The following RFTN2 variants were observed in gnomAD, a reference collection of about 807,000 sequenced individuals.
The protein encoded by RFTN2 is raftlin-2.
Under a neutral mutation model 52.7 loss-of-function variants are expected in RFTN2, and 34 were observed. The observed-to-expected ratio is 0.64, with a 90% CI of 0.49 to 0.86. The LOEUF (loss-of-function observed/expected upper bound fraction) is 0.86, where lower values mean the gene tolerates loss of function less well. Among genes scored for constraint, RFTN2 ranks in the 40% least tolerant of loss-of-function variants. The probability of loss-of-function intolerance (pLI) is 0.00; values close to 1 mark genes in which losing one functional copy is unlikely to be tolerated. For missense variants in RFTN2, 536 were observed against 600.1 expected (o/e 0.89, Z 1.12); for synonymous variants, 203 against 217.7 (o/e 0.93, Z 0.59).
At chr2:197,631,258 A>G in intron 4 of RFTN2, 38 bp from the exon 5 acceptor site, 1 of 1,445,978 alleles carries the variant, frequency 6.9e-7, no homozygotes, top group Non-Finnish European at 9.6e-7. Flanking sequence ...GAAAATTATA[A>G]TTTTGTTGAT....
chr2:197,574,125 G>T (rs2087373009), intron 8 of RFTN2, among the ~76,000 whole-genome samples: 1 of 152,206 alleles, frequency 6.6e-6, no homozygotes, highest in Admixed American at 6.5e-5. Context: ...TGAGAAGAGG[G>T]CCACCGTCTT....
At chr2:197,604,978 C>T (rs1040604363) in intron 7 of RFTN2, among the ~76,000 whole-genome samples, 2 of 151,996 alleles carry the variant, frequency 1.3e-5, no homozygotes, top group Non-Finnish European at 2.9e-5. Context: ...CCAGGCTGGT[C>T]TTGAACTCCT....
In RFTN2 at chr2:197,631,148, C is replaced by T. The variant is rs962378133; in HGVS notation, c.791G>A (p.Gly264Asp). Residue 264 changes from glycine to aspartate, a missense_variant, in exon 5 of 9, where the codon GGC becomes GAC. Physicochemically the swap from Gly to Asp is moderately conservative, Grantham distance 94. Transcript: ENST00000295049. ...TCTTGTTACTTTCATTGACAGGATG[C>T]CTTCCTGATAGGCCCAGGAGGTTGA... ...DDSTSWAYQEGILSMKVTRKG... is the reference protein window; with the variant it reads ...DDSTSWAYQEDILSMKVTRKG... The T allele has an allele frequency of 6.2e-7, 1 of 1,613,240 alleles. No homozygotes were observed. The highest frequency in any genetic ancestry group is 1.1e-5 in the South Asian group (1 of 91,048).
intron 8 of RFTN2, among the ~76,000 whole-genome samples, chr2:197,588,405 A>G (rs1192016313): frequency 6.6e-6 from 1 of 152,132 alleles, no homozygotes; most frequent in Non-Finnish European, 1.5e-5. Flanking sequence ...TTTTTATGAG[A>G]TGGGGTCCCA....
At chr2:197,607,339 G>T (rs2087978870) in intron 7 of RFTN2, among the ~76,000 whole-genome samples, 1 of 152,066 alleles carries the variant, frequency 6.6e-6, no homozygotes, top group African/African-American at 2.4e-5. Context: ...GTGGGGTGGA[G>T]GGAGGGGGCA....
At chr2:197,639,819 C>T (rs1260258304) in intron 3 of RFTN2, among the ~76,000 whole-genome samples, 9 of 140,158 alleles carry the variant, frequency 6.4e-5, no homozygotes, top group Admixed American at 1.4e-4. Flanking sequence ...AGGCGCTCTG[C>T]GTTTTAGAGT....
chr2:197,659,759 G>GT (rs1466869304), intron 1 of RFTN2, among the ~76,000 whole-genome samples: 10 of 151,806 alleles, frequency 6.6e-5, no homozygotes, highest in African/African-American at 2.4e-4. Flanking sequence ...AGAGGCTGCA[G>GT]TGAGCTGAGA....
intron 3 of RFTN2, among the ~76,000 whole-genome samples, chr2:197,640,641 C>G (rs1452888690): frequency 1.4e-5 from 2 of 146,724 alleles, no homozygotes; most frequent in Non-Finnish European, 3.0e-5. Flanking sequence ...GTCTGGCACT[C>G]CCTAGTGAGA....
intron 3 of RFTN2, among the ~76,000 whole-genome samples, chr2:197,635,713 T>C (rs1184021398): frequency 6.7e-6 from 1 of 149,978 alleles, no homozygotes; most frequent in Non-Finnish European, 1.5e-5. Context: ...TGGTAGTTTC[T>C]TTTGCTGTGC....
intron 7 of RFTN2, among the ~76,000 whole-genome samples, chr2:197,608,623 CT>C (rs57681105): frequency 0.09 from 8,983 of 99,394 alleles, 901 homozygotes; most frequent in African/African-American, 0.28. Flanking sequence ...TGGGACCAGA[CT>C]TTTTTTTTTT....
intron 5 of RFTN2, among the ~76,000 whole-genome samples, chr2:197,618,206 T>C (rs1285006560): frequency 2.6e-5 from 4 of 151,904 alleles, no homozygotes; most frequent in Non-Finnish European, 4.4e-5. Context: ...CTGCCTCAGC[T>C]TGCCGAGTGC....
chr2:197,675,587 C>CA (rs1559372035), upstream of RFTN2: 3 of 15,804 alleles, frequency 1.9e-4, no homozygotes, highest in Non-Finnish European at 1.4e-4. Flanking sequence ...CTATAGATAA[C>CA]CAAAAAAAAA....
At chr2:197,666,039 G>A (rs1373285101) in intron 1 of RFTN2, among the ~76,000 whole-genome samples, 3 of 151,202 alleles carry the variant, frequency 2.0e-5, no homozygotes, top group African/African-American at 4.9e-5. Context: ...TGGACTAGTG[G>A]TTGTGAATCC....
intron 8 of RFTN2, among the ~76,000 whole-genome samples, chr2:197,572,978 A>G (rs2087343764): frequency 6.6e-6 from 1 of 152,066 alleles, no homozygotes; most frequent in South Asian, 2.1e-4. Flanking sequence ...CATGACTGTG[A>G]GGCCTCCCTA....
chr2:197,632,305 A>G (rs2088480609), intron 4 of RFTN2, among the ~76,000 whole-genome samples: 1 of 152,122 alleles, frequency 6.6e-6, no homozygotes, highest in Non-Finnish European at 1.5e-5. Flanking sequence ...ATGTTGTGGG[A>G]GGGATCAGAT....
At chr2:197,630,970 C>T in intron 5 of RFTN2, 41 bp downstream of exon 5, 1 of 1,349,476 alleles carries the variant, frequency 7.4e-7, no homozygotes, top group Non-Finnish European at 1.1e-6. Flanking sequence ...GATACAAGTT[C>T]AAATTCCTCA....
chr2:197,659,296 C>T (rs993433128), intron 1 of RFTN2, among the ~76,000 whole-genome samples: 6 of 151,562 alleles, frequency 4.0e-5, no homozygotes, highest in Middle Eastern at 3.4e-3. Flanking sequence ...GTCAGGAGAT[C>T]GAGACCATCC....
intron 1 of RFTN2, among the ~76,000 whole-genome samples, chr2:197,665,163 T>C (rs2089033996): frequency 6.6e-6 from 1 of 152,148 alleles, no homozygotes; most frequent in African/African-American, 2.4e-5. Context: ...TTGACATTAT[T>C]TTAAAAAGTT....
chr2:197,630,937 G>T, intron 5 of RFTN2, 74 bp downstream of exon 5: 1 of 999,244 alleles, frequency 1.0e-6, no homozygotes, highest in Non-Finnish European at 1.6e-6. Context: ...AACTTGAGAG[G>T]TAAAAACATT....
Sources: allele counts gnomAD v4.1 joint callset (sites outside exome capture counted in the v4.1 genomes callset), GRCh38; gene constraint gnomAD v4.1.1; transcripts MANE v1.5; gene names NCBI Gene and HGNC (gene_info 2026-07-23, HGNC 2026-07-21).